Variants in ANKH observed in about 807,000 individuals in gnomAD.
The protein encoded by ANKH is ANKH inorganic pyrophosphate transport regulator.
ANKH carries 15 observed loss-of-function variants against 49.0 expected under a neutral mutation model. That is an observed-to-expected ratio of 0.31 (90% CI 0.20 to 0.47). The LOEUF (loss-of-function observed/expected upper bound fraction) is 0.47, where lower values mean the gene tolerates loss of function less well. Among genes scored for constraint, ANKH ranks in the 20% least tolerant of loss-of-function variants. The probability of loss-of-function intolerance (pLI) is 1.00; values close to 1 mark genes in which losing one functional copy is unlikely to be tolerated. For missense variants in ANKH, 429 were observed against 652.0 expected (o/e 0.66, Z 3.72); for synonymous variants, 273 against 260.0 (o/e 1.05, Z -0.48).
At chr5:14,793,058 A>ATGTAT (rs145425597) in intron 1 of ANKH, among the ~76,000 whole-genome samples, 1 of 85,418 alleles carries the variant, frequency 1.2e-5, no homozygotes, top group Non-Finnish European at 2.2e-5. Flanking sequence ...AAATATATAT[A>ATGTAT]AAATATATAT....
intron 1 of ANKH, among the ~76,000 whole-genome samples, chr5:14,828,909 G>A (rs1010108075): frequency 1.3e-5 from 2 of 152,176 alleles, no homozygotes; most frequent in African/African-American, 4.8e-5. Context: ...ATTTCTGGCT[G>A]GCTGCAGTGG....
chr5:14,772,907 A>G (rs1256572260), intron 1 of ANKH, among the ~76,000 whole-genome samples: 4 of 152,260 alleles, frequency 2.6e-5, no homozygotes, highest in African/African-American at 9.6e-5. Context: ...AGTTCCAGTC[A>G]GCACGAAGCC....
At chr5:14,780,905 G>A (rs531215672) in intron 1 of ANKH, among the ~76,000 whole-genome samples, 3 of 152,286 alleles carry the variant, frequency 2.0e-5, no homozygotes, top group South Asian at 2.1e-4. Context: ...TGTAGTAGAC[G>A]AAATCTAGTT....
At chr5:14,746,426 GTCAGT>G (rs1738545735) in intron 6 of ANKH, among the ~76,000 whole-genome samples, 1 of 152,006 alleles carries the variant, frequency 6.6e-6, no homozygotes, top group Non-Finnish European at 1.5e-5. Context: ...CTTGTGCTCA[GTCAGT>G]TCCTGGGTAG....
intron 1 of ANKH, chr5:14,870,670 A>C (rs1735786616): frequency 6.4e-6 from 1 of 156,654 alleles, no homozygotes; most frequent in South Asian, 1.9e-4. Flanking sequence ...TAGATTTTCA[A>C]TGACGCCACA....
chr5:14,827,953 G>A (rs1378058783), intron 1 of ANKH, among the ~76,000 whole-genome samples: 1 of 152,178 alleles, frequency 6.6e-6, no homozygotes, highest in Non-Finnish European at 1.5e-5. Context: ...GGATAAAGAA[G>A]AGTATTTGCA....
rs140078101 is a variant in ANKH, at chr5:14,716,416, C to T, written c.1141+290G>A. ...GCTGAACAGGAGAAGTGCTTGAACC[C>T]GGGAGGCAGAGGTTGCAGTGAGCCG... On this transcript the variant is annotated intron_variant, in intron 9 of 11. Transcript: ENST00000284268. 1.5e-4 allele frequency among the ~76,000 whole-genome samples: 23 copies of T among 152,162 alleles called. No homozygotes were observed. The East Asian group carries it at 3.5e-3, about 23-fold the overall frequency.
At chr5:14,755,613 C>T (rs1400567685) in intron 4 of ANKH, among the ~76,000 whole-genome samples, 1 of 152,156 alleles carries the variant, frequency 6.6e-6, no homozygotes, top group Non-Finnish European at 1.5e-5. Flanking sequence ...GTCAAAACCC[C>T]TTTATTTAAA....
chr5:14,722,632 T>C (rs1461922736), intron 8 of ANKH, among the ~76,000 whole-genome samples: 1 of 152,170 alleles, frequency 6.6e-6, no homozygotes, highest in African/African-American at 2.4e-5. Flanking sequence ...AAGTACAGTA[T>C]TGAATTATAT....
intron 1 of ANKH, among the ~76,000 whole-genome samples, chr5:14,802,862 G>T (rs913453469): frequency 3.3e-5 from 5 of 152,212 alleles, no homozygotes; most frequent in Admixed American, 1.3e-4. Flanking sequence ...TCCAATCATG[G>T]CTTACTGAAT....
chr5:14,751,180 G>A lies in ANKH; in HGVS notation c.576C>T (p.Ile192=). 1 of 1,614,202 alleles carries A rather than the reference G, an allele frequency of 6.2e-7. No individual in the cohort carries two copies. The highest frequency in any genetic ancestry group is 8.5e-7 in the Non-Finnish European group (1 of 1,180,036). The change falls in exon 5 of 12, where the codon ATC becomes ATT. Residue 192 remains isoleucine (I), a synonymous_variant. Transcript: ENST00000284268. ...CGCCCATGTACAAGGAGAGGATCGGGATGAGCAGGGGCTCCCGGCATTCCA... is the reference window on the plus strand; with the variant it reads ...CGCCCATGTACAAGGAGAGGATCGGAATGAGCAGGGGCTCCCGGCATTCCA... The part of the protein sequence containing the change: ...SHLECREPLL[I]PILSLYMGAL...
intron 4 of ANKH, among the ~76,000 whole-genome samples, chr5:14,751,681 TA>T (rs1051020847): frequency 1.3e-5 from 2 of 152,018 alleles, no homozygotes; most frequent in Middle Eastern, 3.4e-3. Flanking sequence ...ATTAACTTAG[TA>T]AAATTTGAAA....
chr5:14,749,838 T>C (rs1463358798), intron 5 of ANKH, among the ~76,000 whole-genome samples: 2 of 152,234 alleles, frequency 1.3e-5, no homozygotes, highest in Non-Finnish European at 2.9e-5. Context: ...TTCAAAAGCA[T>C]AATCAAAATA....
At chr5:14,817,086 A>AT (rs1741060922) in intron 1 of ANKH, among the ~76,000 whole-genome samples, 3 of 152,232 alleles carry the variant, frequency 2.0e-5, no homozygotes, top group African/African-American at 7.2e-5. Flanking sequence ...ATAAGCTCCC[A>AT]TTTTTCTGTT....
At chr5:14,793,011 T>TATATATATAAATATATATATATAAAA (rs1561057717) in intron 1 of ANKH, among the ~76,000 whole-genome samples, 4 of 78,302 alleles carry the variant, frequency 5.1e-5, no homozygotes, top group Non-Finnish European at 9.4e-5. Flanking sequence ...TATATAAATA[T>TATATATATAAATATATATATATAAAA]ATATATATAA....
intron 8 of ANKH, among the ~76,000 whole-genome samples, chr5:14,726,330 C>T (rs1046109290): frequency 1.3e-5 from 2 of 152,090 alleles, no homozygotes; most frequent in African/African-American, 2.4e-5. Context: ...GGACAGTTCA[C>T]GAAGGGTTTC....
chr5:14,783,344 T>C (rs369130527), intron 1 of ANKH, among the ~76,000 whole-genome samples: 1 of 146,394 alleles, frequency 6.8e-6, no homozygotes, highest in Admixed American at 6.8e-5. Context: ...CACATGGAGA[T>C]AGGAATCTCA....
chr5:14,738,332 T>C (rs1443299829), intron 8 of ANKH, among the ~76,000 whole-genome samples: 2 of 152,182 alleles, frequency 1.3e-5, no homozygotes, highest in African/African-American at 2.4e-5. Flanking sequence ...GAGGGAAGGA[T>C]GCATTTTGAT....
At chr5:14,804,677 G>T (rs1178924835) in intron 1 of ANKH, among the ~76,000 whole-genome samples, 1 of 152,188 alleles carries the variant, frequency 6.6e-6, no homozygotes, top group Non-Finnish European at 1.5e-5. Context: ...TCTAATTAAG[G>T]TATACTCTTG....
Sources: allele counts gnomAD v4.1 joint callset (sites outside exome capture counted in the v4.1 genomes callset), GRCh38; gene constraint gnomAD v4.1.1; transcripts MANE v1.5; gene names NCBI Gene and HGNC (gene_info 2026-07-23, HGNC 2026-07-21).